Variants in KY observed in about 807,000 individuals in gnomAD.
The protein encoded by KY is kyphoscoliosis peptidase.
KY carries 43 observed loss-of-function variants against 76.1 expected under a neutral mutation model. The observed-to-expected ratio is 0.57, with a 90% CI of 0.44 to 0.73. The LOEUF is 0.73. Among genes scored for constraint, KY ranks in the 30% least tolerant of loss-of-function variants. The pLI, the probability that KY is intolerant of heterozygous loss-of-function variation, is 0.00. For synonymous variants in KY, 277 were observed against 326.2 expected (o/e 0.85, Z 1.63); for missense variants, 722 against 828.9 (o/e 0.87, Z 1.58).
chr3:134,622,893 G>T (rs1011687104), intron 6 of KY, among the ~76,000 whole-genome samples: 1 of 152,096 alleles, frequency 6.6e-6, no homozygotes, highest in African/African-American at 2.4e-5. Context: ...ACATCTCACT[G>T]CTCACAAGAG....
rs577826296 is a variant in KY, at chr3:134,618,260, C to A, written c.710+888G>T. Among the ~76,000 whole-genome samples the A allele has an allele frequency of 2.6e-3, 394 of 152,224 alleles. 2 individuals are homozygous for A. Among genetic ancestry groups the A allele is most frequent in the Non-Finnish European group, 3.1e-3 (213 of 68,006 alleles). ...GCACCCAGTGCTCGGCAGCTGCCGC[C>A]TCTGCAACACTGAGGCCATCACAAC... On this transcript the variant is annotated intron_variant, in intron 8 of 10. Transcript: ENST00000423778.
At chr3:134,636,518 G>A (rs570004863) in intron 3 of KY, among the ~76,000 whole-genome samples, 43 of 152,336 alleles carry the variant, frequency 2.8e-4, no homozygotes, top group Admixed American at 5.9e-4. Flanking sequence ...GGTTGTAGAT[G>A]AGAGCCCACA....
intron 10 of KY, 43 bp from the exon 11 acceptor site, chr3:134,604,517 G>C (rs368214963): frequency 6.8e-7 from 1 of 1,476,140 alleles, no homozygotes; most frequent in Non-Finnish European, 9.2e-7. Context: ...GGTCCAGCAC[G>C]TGCTGATGTG....
chr3:134,604,669 G>T (rs952525240), intron 10 of KY, among the ~76,000 whole-genome samples, 195 bp from the exon 11 acceptor site: 2 of 152,190 alleles, frequency 1.3e-5, no homozygotes, highest in Non-Finnish European at 2.9e-5. Flanking sequence ...ATCAGCCAGC[G>T]GCAGCACACC....
chr3:134,604,482 G>C lies in KY; in HGVS notation c.1091-8C>G. On this transcript the variant is annotated splice_region_variant and splice_polypyrimidine_tract_variant and intron_variant, in intron 10 of 10. Coordinates refer to ENST00000423778, the MANE Select transcript of KY (RefSeq NM_178554.6). ...CCGTGGCCTTCCCATTCACTGAGGA[G>C]AGAAAGTCAGGGTCAGCAGAGATGG... The C allele has an allele frequency of 1.9e-6, 3 of 1,596,108 alleles. No homozygotes were observed. Among genetic ancestry groups the C allele is most frequent in the African/African-American group, 1.3e-5 (1 of 74,752 alleles).
chr3:134,610,869 G>C (rs533595724), intron 8 of KY, among the ~76,000 whole-genome samples: 1 of 152,352 alleles, frequency 6.6e-6, no homozygotes, highest in African/African-American at 2.4e-5. Context: ...GATGGGTCTC[G>C]TGACATGGGT....
At chr3:134,649,266 G>A (rs1390378014) in intron 1 of KY, among the ~76,000 whole-genome samples, 1 of 152,180 alleles carries the variant, frequency 6.6e-6, no homozygotes, top group African/African-American at 2.4e-5. Context: ...GCATACATGA[G>A]TCTGGAGCCA....
chr3:134,607,791 C>T (rs1959485912), intron 10 of KY: 3 of 986,318 alleles, frequency 3.0e-6, no homozygotes. Flanking sequence ...GATGGCTAAG[C>T]TGGGTATCCT....
At chr3:134,621,246 G>C (rs1962566491) in intron 6 of KY, among the ~76,000 whole-genome samples, 1 of 152,148 alleles carries the variant, frequency 6.6e-6, no homozygotes, top group Admixed American at 6.5e-5. Context: ...TAAATTCCAA[G>C]GGGCTCCAAG....
intron 3 of KY, among the ~76,000 whole-genome samples, chr3:134,634,717 T>G (rs1226176978): frequency 6.6e-6 from 1 of 152,162 alleles, no homozygotes; most frequent in Non-Finnish European, 1.5e-5. Flanking sequence ...CAAATGCAGA[T>G]GGAGAGTACT....
chr3:134,610,282 G>A lies in KY; in HGVS notation c.812C>T (p.Ala271Val). The change falls in exon 9 of 11, where the codon GCT becomes GTT. Residue 271 changes from alanine to valine, a missense_variant. Around this residue, in one of 2 missense-constraint regions of KY, gnomAD observed 552 missense variants for 680.9 expected, o/e 0.81. Coordinates refer to ENST00000423778, the MANE Select transcript of KY (RefSeq NM_178554.6). The part of the protein sequence containing the change: ...FSGEFDHAWN[A>V]VYLEGRWHLV... ...GTGCCATCTTCCCTCCAGGTACACAGCATTCCAGGCATGGTCAAACTCCCC... is the reference window on the plus strand; with the variant it reads ...GTGCCATCTTCCCTCCAGGTACACAACATTCCAGGCATGGTCAAACTCCCC... The A allele has an allele frequency of 1.9e-6, 3 of 1,613,944 alleles. No homozygotes were observed. The highest frequency in any genetic ancestry group is 1.1e-5 in the South Asian group (1 of 91,070).
chr3:134,627,613 G>T, intron 5 of KY, 143 bp downstream of exon 5: 1 of 683,932 alleles, frequency 1.5e-6, no homozygotes, highest in Non-Finnish European at 2.6e-6. Context: ...AATCAATCAT[G>T]ACACTCTTCC....
At position 134,625,120 on chromosome 3, in the gene KY, C is replaced by T. The variant is rs748941203; in HGVS notation, c.416G>A (p.Arg139Gln). The T allele has an allele frequency of 1.9e-5, 30 of 1,599,216 alleles. No homozygotes were observed. The highest frequency in any genetic ancestry group is 1.7e-4 in the African/African-American group (13 of 74,744). The stretch of plus-strand genomic sequence containing the variant: ...CAGGGACATGGATTTCAGGCTAGAT[C>T]GATCCCAGGGGTAGGCTGGAAACAC... ...GKDAHAYPWD[R>Q]SSLKSMSLDL... Residue 139 changes from arginine (R) to glutamine (Q), a missense_variant, in exon 6 of 11, where the codon CGA becomes CAA. Arg to Gln is a conservative substitution (Grantham distance 43, BLOSUM62 1). This residue lies in a region of KY where 552 missense variants were observed against 680.9 expected (regional missense o/e 0.81). Coordinates refer to ENST00000423778, the MANE Select transcript of KY (RefSeq NM_178554.6).
chr3:134,610,075 G>A, intron 9 of KY, 120 bp downstream of exon 9: 7 of 1,073,634 alleles, frequency 6.5e-6, no homozygotes, highest in Non-Finnish European at 9.5e-6. Flanking sequence ...GAGTGGGCAT[G>A]GGGCCTCCTG....
intron 5 of KY, among the ~76,000 whole-genome samples, chr3:134,626,638 G>A (rs902602659): frequency 6.6e-6 from 1 of 152,208 alleles, no homozygotes; most frequent in African/African-American, 2.4e-5. Context: ...AGAGATGTGG[G>A]GAGAAGGTGG....
chr3:134,604,329 G>A lies in KY; in HGVS notation c.1236C>T (p.His412=), dbSNP rs1207305828. ...TGCCCTTGGCAAAGATCTGCAGCTT[G>A]TGAGTGCCCATGGTTGGAGGGTACA... ...LEVYPPTMGT[H]KLQIFAKGNS... is the part of the protein sequence containing the mutation. Residue 412 remains histidine, a synonymous_variant, in exon 11 of 11, where the codon CAC becomes CAT. Coordinates refer to ENST00000423778, the MANE Select transcript of KY (RefSeq NM_178554.6). 2 of 1,613,904 alleles carry A rather than the reference G, an allele frequency of 1.2e-6. No homozygotes were observed. The highest frequency in any genetic ancestry group is 1.3e-5 in the African/African-American group (1 of 74,932).
At chr3:134,607,164 T>C in intron 10 of KY, 1 of 985,470 alleles carries the variant, frequency 1.0e-6, no homozygotes, top group Non-Finnish European at 1.2e-6. Flanking sequence ...CTATGATACA[T>C]TGAACAAGCC....
rs929144527 is a variant in KY at position 134,600,971 on chromosome 3, G to A, written c.*2608C>T. 3 of 152,230 alleles carry A rather than the reference G, an allele frequency of 2.0e-5. No homozygotes were observed. Among genetic ancestry groups the A allele is most frequent in the East Asian group, 3.9e-4 (2 of 5,192 alleles). 9.4% of individuals were successfully genotyped at this position (152,230 alleles called of 1,614,324 possible). ...AGTTCTGCGAAAAAGCCCGGTGATA[G>A]ATCAGCCTCGCGGTGTGCAGCGCCG... is the stretch of plus-strand genomic sequence containing the variant. On this transcript the variant is annotated 3_prime_UTR_variant, in exon 11 of 11. Transcript: ENST00000423778.
intron 3 of KY, among the ~76,000 whole-genome samples, chr3:134,634,459 T>G (rs1368960539): frequency 6.6e-6 from 1 of 152,046 alleles, no homozygotes; most frequent in African/African-American, 2.4e-5. Flanking sequence ...GCAAAATAAA[T>G]TTTTACAAAA....
Sources: gnomAD v4.1 joint callset for allele counts (sites outside exome capture counted in the v4.1 genomes callset) on GRCh38, gnomAD v4.1.1 for gene constraint, gnomAD v4.1.1 regional missense constraint, MANE v1.5 for transcripts, NCBI Gene and HGNC (gene_info 2026-07-23, HGNC 2026-07-21) for gene names.